COL27A1: variants seen among roughly 807,000 people sequenced by gnomAD.
COL27A1 encodes collagen type XXVII alpha 1 chain.
A neutral mutation model predicts 251.3 loss-of-function variants in COL27A1; 106 were observed. The ratio of observed to expected loss-of-function variants is 0.42; its 90% CI spans 0.36 to 0.50. The LOEUF (loss-of-function observed/expected upper bound fraction) is 0.50, where lower values mean the gene tolerates loss of function less well. Among genes scored for constraint, COL27A1 ranks in the 20% least tolerant of loss-of-function variants. The pLI, the probability that COL27A1 is intolerant of heterozygous loss-of-function variation, is 0.00. For synonymous variants in COL27A1, 1,000 were observed against 986.3 expected (o/e 1.01, Z -0.26); for missense variants, 2,325 against 2,522.8 (o/e 0.92, Z 1.68).
intron 12 of COL27A1, among the ~76,000 whole-genome samples, chr9:114,214,229 G>A (rs1160451634): frequency 6.6e-6 from 1 of 152,128 alleles, no homozygotes; most frequent in Non-Finnish European, 1.5e-5. Context: ...GTAGGGTTGG[G>A]GGCTCCTGTC....
At chr9:114,178,748 C>T (rs769831528) in intron 4 of COL27A1, among the ~76,000 whole-genome samples, 1 of 152,138 alleles carries the variant, frequency 6.6e-6, no homozygotes, top group Non-Finnish European at 1.5e-5. Flanking sequence ...ACATAGGTAC[C>T]TGGAGGGGCC....
intron 43 of COL27A1, 56 bp from the exon 44 acceptor site, chr9:114,288,858 G>T: frequency 6.2e-7 from 1 of 1,609,248 alleles, no homozygotes; most frequent in Admixed American, 1.7e-5. Context: ...CTTCTGTGCT[G>T]CCTCCCAGCC....
At chr9:114,294,573 A>C (rs1008024221) in intron 49 of COL27A1, among the ~76,000 whole-genome samples, 1 of 152,256 alleles carries the variant, frequency 6.6e-6, no homozygotes, top group Admixed American at 6.5e-5. Flanking sequence ...CTATATTAAC[A>C]GACTCAAAAA....
chr9:114,278,243 T>C (rs1156960901), intron 37 of COL27A1, among the ~76,000 whole-genome samples: 3 of 147,402 alleles, frequency 2.0e-5, no homozygotes, highest in African/African-American at 7.6e-5. Flanking sequence ...GTAGTACTGA[T>C]GATGGTGTTG....
At chr9:114,174,000 CAG>C (rs1477238688) in intron 3 of COL27A1, among the ~76,000 whole-genome samples, 1 of 149,342 alleles carries the variant, frequency 6.7e-6, no homozygotes, top group Non-Finnish European at 1.5e-5. Context: ...TTTTTTGAGA[CAG>C]AGTCTTGCTC....
rs745730229 is a variant in COL27A1, at chr9:114,284,731, A to G, written c.3941A>G (p.Lys1314Arg). ...CTTCTTGTTTGCCTGCAGGGACACA[A>G]AGGCATTGTGGGACCCCTTGGACCT... ...EPGLAGYDGHKGIVGPLGPPG... is the reference protein window; with the variant it reads ...EPGLAGYDGHRGIVGPLGPPG... The change falls in exon 41 of 61, where the codon AAA (lysine) becomes AGA (arginine). Residue 1314 changes from lysine to arginine, a missense_variant. This residue lies in a region of COL27A1 where 662 missense variants were observed against 795.3 expected (regional missense o/e 0.83). Coordinates refer to ENST00000356083, the MANE Select transcript of COL27A1 (RefSeq NM_032888.4). The G allele has an allele frequency of 2.5e-6, 4 of 1,614,184 alleles. No homozygotes were observed. The East Asian group carries it at 8.9e-5, about 36-fold the overall frequency.
At chr9:114,199,996 G>C (rs1380231156) in intron 7 of COL27A1, among the ~76,000 whole-genome samples, 1 of 151,892 alleles carries the variant, frequency 6.6e-6, no homozygotes, top group Admixed American at 6.6e-5. Flanking sequence ...GCTCCCTCCT[G>C]TTGCCCCCAC....
At chr9:114,195,122 C>T (rs912737685) in intron 6 of COL27A1, among the ~76,000 whole-genome samples, 2 of 152,196 alleles carry the variant, frequency 1.3e-5, no homozygotes, top group Admixed American at 1.3e-4. Flanking sequence ...ACCCTGGAAG[C>T]AATGCCCAGG....
At chr9:114,240,392 G>A in intron 20 of COL27A1, 42 bp from the exon 21 acceptor site, 1 of 1,607,574 alleles carries the variant, frequency 6.2e-7, no homozygotes, top group Non-Finnish European at 8.5e-7. Flanking sequence ...TGGAGATGGA[G>A]GTACCGCCTC....
Position 114,287,536 on chromosome 9 carries a change from A to G in COL27A1, c.3988-919A>G, listed in dbSNP as rs925619855. On this transcript the variant is annotated intron_variant, in intron 41 of 60. Coordinates refer to ENST00000356083, the MANE Select transcript of COL27A1 (RefSeq NM_032888.4). ...CACCCCAGTCTCTGGCCATGTCTAT[A>G]TGACACAGTCTCACTGCTGCTATTG... is the stretch of plus-strand genomic sequence containing the variant. Among the ~76,000 whole-genome samples the G allele has an allele frequency of 5.3e-4, 81 of 152,050 alleles. 1 individual carries two copies. The highest frequency in any genetic ancestry group is 1.9e-3 in the African/African-American group (80 of 41,474).
chr9:114,194,320 G>A (rs1224810363), intron 5 of COL27A1, 84 bp from the exon 6 acceptor site: 1 of 1,320,690 alleles, frequency 7.6e-7, no homozygotes, highest in South Asian at 1.2e-5. Context: ...AAGCAAGGGA[G>A]CAGGGCTTTG....
intron 7 of COL27A1, among the ~76,000 whole-genome samples, chr9:114,199,632 C>T (rs1829433178): frequency 6.6e-6 from 1 of 152,218 alleles, no homozygotes; most frequent in Middle Eastern, 3.2e-3. Flanking sequence ...GAACGCTCCC[C>T]AGCACCTCCA....
At chr9:114,212,112 A>G (rs1239165718) in intron 12 of COL27A1, among the ~76,000 whole-genome samples, 2 of 152,216 alleles carry the variant, frequency 1.3e-5, no homozygotes, top group South Asian at 2.1e-4. Flanking sequence ...AAAAGCCTCA[A>G]AGAGCTGACA....
rs768566262 is a variant in COL27A1 at position 114,155,950 on chromosome 9, C to G, written c.-1C>G. On this transcript the variant is annotated 5_prime_UTR_variant, in exon 1 of 61. Transcript: ENST00000356083. The surrounding 1 kb of genome is among the most constrained non-coding windows in gnomAD (Gnocchi z 5.5). ...TCGGGAGCATGAAGTAGGGGCCTGC[C>G]ATGGGAGCGGGATCGGCGCGGGGGG... 2.4e-6 allele frequency: 3 copies of G among 1,272,764 alleles called. No homozygotes were observed. Among genetic ancestry groups the G allele is most frequent in the South Asian group, 6.7e-5 (2 of 29,712 alleles). The allele number at this position is 1,272,764 out of a possible 1,614,324, so 78.8% of individuals were successfully genotyped here. A position where few individuals can be genotyped will look rare whatever the true frequency, so the allele number is the denominator to read the frequency against.
Position 114,168,992 on chromosome 9 carries a change from C to T in COL27A1, c.1437C>T (p.His479=), listed in dbSNP as rs1442894910. 6.2e-7 allele frequency: 1 copy of T among 1,614,206 alleles called. No homozygotes were observed. Among genetic ancestry groups the T allele is most frequent in the Non-Finnish European group, 8.5e-7 (1 of 1,180,046 alleles). The change falls in exon 3 of 61, where the codon CAC becomes CAT. Residue 479 remains histidine, a synonymous_variant. Transcript: ENST00000356083. The part of the protein sequence containing the change: ...SKPASARTST[H]KPPPFTALSS... ...CGGCCTCTGCCCGCACCAGCACCCA[C>T]AAACCTCCCCCATTTACTGCTTTAT... is the stretch of plus-strand genomic sequence containing the variant.
intron 4 of COL27A1, among the ~76,000 whole-genome samples, chr9:114,182,127 C>T (rs1443610459): frequency 6.6e-6 from 1 of 151,174 alleles, no homozygotes; most frequent in Non-Finnish European, 1.5e-5. Flanking sequence ...TTGCTTCAGG[C>T]CAGGAATTCG....
intron 2 of COL27A1, among the ~76,000 whole-genome samples, chr9:114,166,416 T>TCCATCC (rs1848881095): frequency 2.4e-5 from 1 of 42,504 alleles, no homozygotes; most frequent in Non-Finnish European, 5.7e-5. Flanking sequence ...CCTATCCATT[T>TCCATCC]ATCCATTCAT....
intron 37 of COL27A1, 150 bp from the exon 38 acceptor site, chr9:114,282,127 G>C: frequency 1.5e-6 from 1 of 670,730 alleles, no homozygotes; most frequent in Non-Finnish European, 2.7e-6. Context: ...AATTAGGTCA[G>C]GCTCAAGGTC....
intron 14 of COL27A1, among the ~76,000 whole-genome samples, 164 bp downstream of exon 14, chr9:114,222,431 A>AGGAAGGTGGGTAGG (rs931594768): frequency 1.2e-5 from 1 of 84,296 alleles, no homozygotes. Context: ...AACCTGGGTG[A>AGGAAGGTGGGTAGG]GGAAGGTGGG....
Sources: allele counts gnomAD v4.1 joint callset (sites outside exome capture counted in the v4.1 genomes callset), GRCh38; gene constraint gnomAD v4.1.1; regional missense constraint gnomAD v4.1.1; non-coding constraint Gnocchi (gnomAD v3.1); transcripts MANE v1.5; gene names NCBI Gene and HGNC (gene_info 2026-07-23, HGNC 2026-07-21).